The following NR3C2 variants were observed in gnomAD, a reference collection of about 807,000 sequenced individuals.
The protein encoded by NR3C2 is nuclear receptor subfamily 3 group C member 2.
Under a neutral mutation model 86.4 loss-of-function variants are expected in NR3C2, and 15 were observed. The ratio of observed to expected loss-of-function variants is 0.17; its 90% CI spans 0.12 to 0.27. NR3C2 has a LOEUF of 0.27. Among genes scored for constraint, NR3C2 ranks in the 10% least tolerant of loss-of-function variants. The pLI is 1.00. For synonymous variants in NR3C2, 458 were observed against 450.5 expected (o/e 1.02, Z -0.21); for missense variants, 960 against 1,195.6 (o/e 0.80, Z 2.91).
chr4:148,358,642 A>T (rs921174731), intron 2 of NR3C2, among the ~76,000 whole-genome samples: 1 of 152,084 alleles, frequency 6.6e-6, no homozygotes, highest in Non-Finnish European at 1.5e-5. Context: ...AAATAAAAAA[A>T]AAAATAAAAT....
intron 2 of NR3C2, among the ~76,000 whole-genome samples, chr4:148,383,716 G>A (rs969189543): frequency 2.0e-5 from 3 of 152,230 alleles, no homozygotes; most frequent in Middle Eastern, 3.4e-3. Flanking sequence ...ACTTTGGGAG[G>A]CCGAGGGTGG....
At chr4:148,246,469 AT>A (rs1739318371) in intron 3 of NR3C2, among the ~76,000 whole-genome samples, 1 of 152,218 alleles carries the variant, frequency 6.6e-6, no homozygotes, top group Non-Finnish European at 1.5e-5. Flanking sequence ...CTGAAATCAC[AT>A]TCTTCTTGTA....
intron 3 of NR3C2, among the ~76,000 whole-genome samples, chr4:148,214,731 G>A (rs1737441999): frequency 6.6e-6 from 1 of 152,214 alleles, no homozygotes; most frequent in South Asian, 2.1e-4. Context: ...GCTGCTCAGG[G>A]CTTGCCAATG....
At chr4:148,103,900 T>C (rs1731656823) in intron 8 of NR3C2, among the ~76,000 whole-genome samples, 1 of 152,236 alleles carries the variant, frequency 6.6e-6, no homozygotes. Context: ...TCAAGGCATC[T>C]AGGCCATGCT....
intron 2 of NR3C2, among the ~76,000 whole-genome samples, chr4:148,390,130 A>G (rs1747466131): frequency 1.3e-5 from 2 of 151,654 alleles, no homozygotes; most frequent in South Asian, 2.1e-4. Flanking sequence ...CATTCCTTAA[A>G]AAAAAAAAAC....
intron 2 of NR3C2, among the ~76,000 whole-genome samples, chr4:148,375,482 C>T (rs1249529093): frequency 6.6e-6 from 1 of 150,786 alleles, no homozygotes; most frequent in Non-Finnish European, 1.5e-5. Flanking sequence ...AAAAACCCTG[C>T]AAAATTTAAA....
At chr4:148,308,364 T>G (rs1742740572) in intron 2 of NR3C2, among the ~76,000 whole-genome samples, 3 of 152,176 alleles carry the variant, frequency 2.0e-5, no homozygotes, top group African/African-American at 7.2e-5. Context: ...GAAAATTTGT[T>G]GCATATATGA....
intron 2 of NR3C2, among the ~76,000 whole-genome samples, chr4:148,411,642 T>C (rs912809812): frequency 6.6e-6 from 1 of 152,196 alleles, no homozygotes; most frequent in Non-Finnish European, 1.5e-5. Context: ...CACAATGCTA[T>C]TGAGATCTAT....
intron 2 of NR3C2, among the ~76,000 whole-genome samples, chr4:148,307,607 C>T (rs1742695125): frequency 6.6e-6 from 1 of 152,066 alleles, no homozygotes; most frequent in Non-Finnish European, 1.5e-5. Context: ...GATCTTCATT[C>T]ACAATTTCAT....
chr4:148,194,525 G>A (rs948285850), intron 4 of NR3C2, among the ~76,000 whole-genome samples: 3 of 152,036 alleles, frequency 2.0e-5, no homozygotes, highest in South Asian at 2.1e-4. Context: ...ACTCAGGCTC[G>A]AAAAATTCAC....
At chr4:148,173,430 G>A (rs1735225809) in intron 4 of NR3C2, among the ~76,000 whole-genome samples, 2 of 152,194 alleles carry the variant, frequency 1.3e-5, no homozygotes. Flanking sequence ...GATGATGGAA[G>A]CAGGGGTGTA....
At chr4:148,173,893 G>A (rs983362907) in intron 4 of NR3C2, among the ~76,000 whole-genome samples, 14 of 152,168 alleles carry the variant, frequency 9.2e-5, no homozygotes, top group African/African-American at 3.1e-4. Context: ...AGAGGGCTGG[G>A]GAGGCAGGTA....
At chr4:148,310,670 T>C (rs1676575890) in intron 2 of NR3C2, among the ~76,000 whole-genome samples, 1 of 152,196 alleles carries the variant, frequency 6.6e-6, no homozygotes, top group Non-Finnish European at 1.5e-5. Context: ...CACATTCTCA[T>C]GCCTGCTCAT....
At chr4:148,229,547 T>C (rs143419156) in intron 3 of NR3C2, among the ~76,000 whole-genome samples, 1 of 152,170 alleles carries the variant, frequency 6.6e-6, no homozygotes, top group East Asian at 1.9e-4. Flanking sequence ...AATAAACAAA[T>C]GATATGTGGG....
At chr4:148,343,384 A>G (rs1744841302) in intron 2 of NR3C2, among the ~76,000 whole-genome samples, 1 of 152,100 alleles carries the variant, frequency 6.6e-6, no homozygotes, top group African/African-American at 2.4e-5. Context: ...GTCCCAAGGC[A>G]GCAGCGGGAT....
chr4:148,442,586 G>T, upstream of NR3C2: 1 of 944,922 alleles, frequency 1.1e-6, no homozygotes, highest in African/African-American at 1.8e-5. Flanking sequence ...CCTTCCTATT[G>T]GCCCGAAGAG....
chr4:148,378,570 T>C (rs1404153650), intron 2 of NR3C2, among the ~76,000 whole-genome samples: 1 of 152,098 alleles, frequency 6.6e-6, no homozygotes, highest in African/African-American at 2.4e-5. Flanking sequence ...ATAGAGTTCT[T>C]AGGACATTTG....
intron 4 of NR3C2, among the ~76,000 whole-genome samples, chr4:148,167,344 C>G (rs537910167): frequency 3.3e-5 from 5 of 152,310 alleles, no homozygotes; most frequent in African/African-American, 4.8e-5. Context: ...CTATGTAAAA[C>G]TCTCTTTTTA....
At chr4:148,100,318 A>C (rs897437306) in intron 8 of NR3C2, among the ~76,000 whole-genome samples, 5 of 152,198 alleles carry the variant, frequency 3.3e-5, no homozygotes, top group African/African-American at 1.2e-4. Context: ...AATATTTGCA[A>C]ATCATAGATT....
Sources: allele counts gnomAD v4.1 joint callset (sites outside exome capture counted in the v4.1 genomes callset), GRCh38; gene constraint gnomAD v4.1.1; transcripts MANE v1.5; gene names NCBI Gene and HGNC (gene_info 2026-07-23, HGNC 2026-07-21).